The following DHX16 variants were observed in gnomAD, a reference collection of about 807,000 sequenced individuals.
The protein encoded by DHX16 is DEAH-box helicase 16.
Under a neutral mutation model 131.2 loss-of-function variants are expected in DHX16, and 81 were observed. The ratio of observed to expected loss-of-function variants is 0.62; its 90% CI spans 0.52 to 0.74. The LOEUF is 0.74. Among genes scored for constraint, DHX16 ranks in the 30% least tolerant of loss-of-function variants. DHX16 has a pLI of 0.00. For synonymous variants in DHX16, 440 were observed against 520.2 expected (o/e 0.85, Z 2.10); for missense variants, 980 against 1,363.1 (o/e 0.72, Z 4.43).
At position 30,665,348 on chromosome 6, in the gene DHX16, AC is replaced by A; in HGVS notation, c.922-75del. 8 of 1,583,812 alleles carry A rather than the reference AC, an allele frequency of 5.1e-6. No individual in the cohort carries two copies. The highest frequency in any genetic ancestry group is 6.9e-6 in the Non-Finnish European group (8 of 1,166,324). ...TGCCCTCTCCCCTCTTCCCATTACT[AC>A]CCCCGCCCACTGCCCATTGGGAACG... On this transcript the variant is annotated intron_variant, in intron 5 of 19. Coordinates refer to ENST00000376442, the MANE Select transcript of DHX16 (RefSeq NM_003587.5). This position sits in a 1 kb window ranked among gnomAD's most constrained non-coding sequence, Gnocchi z 4.8.
intron 19 of DHX16, among the ~76,000 whole-genome samples, chr6:30,653,633 G>GCTAGGATCCTGCCTTGGCCTCCCAAAGTT (rs1767672312): frequency 2.6e-5 from 4 of 152,280 alleles, no homozygotes; most frequent in Non-Finnish European, 5.9e-5. Flanking sequence ...CTCCCAAAGT[G>GCTAGGATCCTGCCTTGGCCTCCCAAAGTT]CTGGGATGGT....
At position 30,665,937 on chromosome 6, in the gene DHX16, C is replaced by G. The variant is rs1333380068; in HGVS notation, c.667-204G>C. 6.6e-6 allele frequency among the ~76,000 whole-genome samples: 1 copy of G among 152,156 alleles called. No homozygotes were observed. The highest frequency in any genetic ancestry group is 2.4e-5 in the African/African-American group (1 of 41,434). ...TGGATGCTACATGCTGACCCCACAT[C>G]GTATCTTCCTGCAGCAGAATCCAGC... On this transcript the variant is annotated intron_variant, in intron 4 of 19. Transcript: ENST00000376442. The surrounding 1 kb of genome is among the most constrained non-coding windows in gnomAD (Gnocchi z 4.8).
intron 17 of DHX16, 46 bp from the exon 18 acceptor site, chr6:30,655,382 C>G (rs1297863447): frequency 6.2e-7 from 1 of 1,613,860 alleles, no homozygotes; most frequent in East Asian, 2.2e-5. Context: ...AAGTATACAG[C>G]AGGACTAAAG....
chr6:30,655,159 C>T lies in DHX16; in HGVS notation c.2823+16G>A. On this transcript the variant is annotated intron_variant, in intron 18 of 19. Coordinates refer to ENST00000376442, the MANE Select transcript of DHX16 (RefSeq NM_003587.5). Reference sequence around the variant, plus strand: ...GGTACTGGGGGTGGAAAGCAGGAGGCTGAAGAAATGCTGACCTTGCGTACA... The same window carrying T: ...GGTACTGGGGGTGGAAAGCAGGAGGTTGAAGAAATGCTGACCTTGCGTACA... 1.2e-6 allele frequency: 2 copies of T among 1,613,988 alleles called. No individual in the cohort carries two copies. The highest frequency in any genetic ancestry group is 2.2e-5 in the South Asian group (2 of 91,074).
At chr6:30,659,077 G>A (rs1309103497) in intron 12 of DHX16, among the ~76,000 whole-genome samples, 1 of 152,100 alleles carries the variant, frequency 6.6e-6, no homozygotes, top group Non-Finnish European at 1.5e-5. Flanking sequence ...AGTGGAGGCA[G>A]GGTTTCACCA....
At chr6:30,667,569 G>A (rs1321620559) in intron 4 of DHX16, among the ~76,000 whole-genome samples, 6 of 142,814 alleles carry the variant, frequency 4.2e-5, no homozygotes, top group Middle Eastern at 3.9e-3. Flanking sequence ...GCGACAGAGC[G>A]AGACTCTGTC....
rs1561990438 is a variant in DHX16 at position 30,665,326 on chromosome 6, C to G, written c.922-52G>C. Reference sequence around the variant, plus strand: ...CTCAAAAACAGGATGTCCTCTCTGCCCTCTCCCCTCTTCCCATTACTACCC... The same window carrying G: ...CTCAAAAACAGGATGTCCTCTCTGCGCTCTCCCCTCTTCCCATTACTACCC... On this transcript the variant is annotated intron_variant, in intron 5 of 19. Transcript: ENST00000376442. This position sits in a 1 kb window ranked among gnomAD's most constrained non-coding sequence, Gnocchi z 4.8. The G allele has an allele frequency of 6.3e-7, 1 of 1,593,920 alleles. No homozygotes were observed. Among genetic ancestry groups the G allele is most frequent in the Non-Finnish European group, 8.5e-7 (1 of 1,173,798 alleles).
At chr6:30,658,125 G>A (rs901068528) in intron 12 of DHX16, among the ~76,000 whole-genome samples, 6 of 152,256 alleles carry the variant, frequency 3.9e-5, no homozygotes, top group African/African-American at 1.4e-4. Context: ...TCCAAACTTC[G>A]CCAAGCACAG....
Position 30,662,037 on chromosome 6 carries a change from A to C in DHX16, c.1544+590T>G. On this transcript the variant is annotated intron_variant, in intron 9 of 19. Transcript: ENST00000376442. This position sits in a 1 kb window ranked among gnomAD's most constrained non-coding sequence, Gnocchi z 4.7. Reference sequence around the variant, plus strand: ...ATGAATCCCTTTTCCCCCTCAACACATGTTCAACCAACCCCTGCTTGGCCA... The same window carrying C: ...ATGAATCCCTTTTCCCCCTCAACACCTGTTCAACCAACCCCTGCTTGGCCA... 3.3e-6 allele frequency: 2 copies of C among 597,810 alleles called. No individual in the cohort carries two copies. Among genetic ancestry groups the C allele is most frequent in the East Asian group, 2.8e-5 (1 of 35,262 alleles). 37.0% of individuals were successfully genotyped at this position (597,810 alleles called of 1,614,324 possible).
rs983854841 is a variant in DHX16 at position 30,659,902 on chromosome 6, A to G, written c.1756-68T>C. On this transcript the variant is annotated intron_variant, in intron 10 of 19. Coordinates refer to ENST00000376442, the MANE Select transcript of DHX16 (RefSeq NM_003587.5). ...TTAGGCAAACCTTTCCTCTCCTCCC[A>G]ATTCAACATACACTTTATCCTAGTT... 3.8e-6 allele frequency: 6 copies of G among 1,561,848 alleles called. No individual in the cohort carries two copies. In the Admixed American group the frequency reaches 8.5e-5, roughly 22 times the overall value.
chr6:30,670,814 A>G lies in DHX16; in HGVS notation c.585T>C (p.Asn195=). 6.2e-7 allele frequency: 1 copy of G among 1,612,996 alleles called. No individual in the cohort carries two copies. Among genetic ancestry groups the G allele is most frequent in the South Asian group, 1.1e-5 (1 of 91,084 alleles). The change falls in exon 3 of 20, where the codon AAT becomes AAC. Residue 195 remains asparagine (N), a synonymous_variant. Coordinates refer to ENST00000376442, the MANE Select transcript of DHX16 (RefSeq NM_003587.5). The surrounding 1 kb of genome is among the most constrained non-coding windows in gnomAD (Gnocchi z 4.4). Reference sequence around the variant, plus strand: ...CCTTCTTGTCTGACCGTTCCAGGACATTTCGAGTCCGATCCTTGTCCCGCT... The same window carrying G: ...CCTTCTTGTCTGACCGTTCCAGGACGTTTCGAGTCCGATCCTTGTCCCGCT... ...VRQRDKDRTR[N]VLERSDKKAY... is the part of the protein sequence containing the mutation.
At chr6:30,672,508 A>C (rs1305616508) in intron 1 of DHX16, 127 bp downstream of exon 1, 2 of 862,412 alleles carry the variant, frequency 2.3e-6, no homozygotes, top group Non-Finnish European at 3.6e-6. Flanking sequence ...AGCAGCTAGC[A>C]CAGTACCTAC....
In DHX16 at chr6:30,670,896, T is replaced by G; in HGVS notation, c.503A>C (p.Glu168Ala). 6.2e-7 allele frequency: 1 copy of G among 1,613,076 alleles called. No homozygotes were observed. Among genetic ancestry groups the G allele is most frequent in the South Asian group, 1.1e-5 (1 of 91,086 alleles). The change falls in exon 3 of 20, where the codon GAG becomes GCG. Residue 168 changes from glutamate (E) to alanine (A), a missense_variant. Around this residue, in one of 3 missense-constraint regions of DHX16, gnomAD observed 457 missense variants for 554.8 expected, o/e 0.82. Coordinates refer to ENST00000376442, the MANE Select transcript of DHX16 (RefSeq NM_003587.5). This position sits in a 1 kb window ranked among gnomAD's most constrained non-coding sequence, Gnocchi z 4.4. ...CTCCAGGTCCTGAAGGCGTTCACGC[T>G]CTGTCCGTTCCCACTCATCTTCCGA... ...PESEDEWERT[E>A]RERLQDLEER... is the part of the protein sequence containing the mutation.
rs906936810 is a variant in DHX16, at chr6:30,656,976, C to A, written c.2124G>T (p.Ser708=). ...CCTTGCTGCAGGGTGTGACAGTGAG[C>A]GATTCCATGCCTGTGCGGGGGTTGT... ...KSYNPRTGME[S]LTVTPCSKAS... The change falls in exon 13 of 20, where the codon TCG becomes TCT. Residue 708 remains serine, a synonymous_variant. Coordinates refer to ENST00000376442, the MANE Select transcript of DHX16 (RefSeq NM_003587.5). This position sits in a 1 kb window ranked among gnomAD's most constrained non-coding sequence, Gnocchi z 5.1. 6.2e-7 allele frequency: 1 copy of A among 1,612,722 alleles called. No individual in the cohort carries two copies. Among genetic ancestry groups the A allele is most frequent in the South Asian group, 1.1e-5 (1 of 91,044 alleles).
At position 30,656,433 on chromosome 6, in the gene DHX16, C is replaced by T. The variant is rs749058512; in HGVS notation, c.2388G>A (p.Leu796=). ...YETLLLALEQ[L]YALGALNHLG... ...GGTGGTTGAGGGCTCCCAGAGCATACAGCTGCTCCAAAGCCAGCAGCAGTG... is the reference window on the plus strand; with the variant it reads ...GGTGGTTGAGGGCTCCCAGAGCATATAGCTGCTCCAAAGCCAGCAGCAGTG... The change falls in exon 15 of 20, where the codon CTG becomes CTA. Residue 796 remains leucine, a synonymous_variant. Coordinates refer to ENST00000376442, the MANE Select transcript of DHX16 (RefSeq NM_003587.5). This position sits in a 1 kb window ranked among gnomAD's most constrained non-coding sequence, Gnocchi z 5.1. The T allele has an allele frequency of 6.2e-7, 1 of 1,614,162 alleles. No individual in the cohort carries two copies. Among genetic ancestry groups the T allele is most frequent in the South Asian group, 1.1e-5 (1 of 91,086 alleles).
rs767506844 is a variant in DHX16, at chr6:30,655,196, C to G, written c.2802G>C (p.Gly934=). The part of the protein sequence containing the change: ...RVEVGLSSCQ[G]DYIRVRKAIT... Reference sequence around the variant, plus strand: ...TGACCTTGCGTACACGGATATAGTCCCCCTGGCAGGAACTGAGACCAACTT... The same window carrying G: ...TGACCTTGCGTACACGGATATAGTCGCCCTGGCAGGAACTGAGACCAACTT... Residue 934 remains glycine, a synonymous_variant, in exon 18 of 20, where the codon GGG becomes GGC. Transcript: ENST00000376442. 1.9e-6 allele frequency: 3 copies of G among 1,614,118 alleles called. No homozygotes were observed.
chr6:30,670,389 T>C lies in DHX16; in HGVS notation c.666+21A>G, dbSNP rs756749231. On this transcript the variant is annotated intron_variant, in intron 4 of 19. Coordinates refer to ENST00000376442, the MANE Select transcript of DHX16 (RefSeq NM_003587.5). This position sits in a 1 kb window ranked among gnomAD's most constrained non-coding sequence, Gnocchi z 4.4. ...TTTCCTTTTGTCTTCTGATCTTGGC[T>C]CCCTAGGCCCTGGGACTCACCATGG... 1.9e-6 allele frequency: 3 copies of C among 1,602,310 alleles called. No homozygotes were observed. The highest frequency in any genetic ancestry group is 2.6e-6 in the Non-Finnish European group (3 of 1,173,580).
intron 19 of DHX16, among the ~76,000 whole-genome samples, chr6:30,654,160 C>T (rs1767735254): frequency 6.6e-6 from 1 of 151,844 alleles, no homozygotes; most frequent in African/African-American, 2.4e-5. Context: ...CTCTGTGAGA[C>T]CAGAGACTGC....
intron 9 of DHX16, among the ~76,000 whole-genome samples, chr6:30,661,375 T>G (rs3094098): frequency 0.14 from 21,532 of 152,000 alleles, 2,410 homozygotes; most frequent in African/African-American, 0.3. Flanking sequence ...GAGCCACCGC[T>G]CCCGGCTGAT....
Sources: allele counts gnomAD v4.1 joint callset (sites outside exome capture counted in the v4.1 genomes callset), GRCh38; gene constraint gnomAD v4.1.1; regional missense constraint gnomAD v4.1.1; non-coding constraint Gnocchi (gnomAD v3.1); transcripts MANE v1.5; gene names NCBI Gene and HGNC (gene_info 2026-07-23, HGNC 2026-07-21).